Variants in NBR1 observed in about 807,000 individuals in gnomAD.
The protein encoded by NBR1 is NBR1 autophagy cargo receptor.
NBR1 carries 59 observed loss-of-function variants against 115.5 expected under a neutral mutation model. The observed-to-expected ratio is 0.51, with a 90% CI of 0.41 to 0.63. The LOEUF (loss-of-function observed/expected upper bound fraction) is 0.63. NBR1 is among the 30% of genes least tolerant of loss of function. The probability of loss-of-function intolerance (pLI) is 0.00; values close to 1 mark genes in which losing one functional copy is unlikely to be tolerated. For synonymous variants in NBR1, 373 were observed against 414.7 expected, an observed-to-expected ratio of 0.90 and a Z score of 1.22; for missense variants, 1,043 against 1,150.5, an observed-to-expected ratio of 0.91 and a Z score of 1.35.
At chr17:43,207,144 A>G (rs543429147) in intron 20 of NBR1, among the ~76,000 whole-genome samples, 2 of 152,194 alleles carry the variant, frequency 1.3e-5, no homozygotes, top group Non-Finnish European at 2.9e-5. Flanking sequence ...GAAGAGAACT[A>G]GGTCAGTTTT....
intron 5 of NBR1, 27 bp downstream of exon 5, chr17:43,180,844 A>C: frequency 7.2e-7 from 1 of 1,389,960 alleles, no homozygotes; most frequent in Non-Finnish European, 9.4e-7. Context: ...CTCATTTTTA[A>C]ATAATTTAAA....
chr17:43,206,111 T>C (rs1359296288), intron 20 of NBR1, among the ~76,000 whole-genome samples: 1 of 146,226 alleles, frequency 6.8e-6, no homozygotes, highest in Non-Finnish European at 1.5e-5. Flanking sequence ...GGGAGGCGGA[T>C]GTTGCAGTGA....
chr17:43,193,844 T>C (rs977354944), intron 12 of NBR1, among the ~76,000 whole-genome samples: 23 of 152,218 alleles, frequency 1.5e-4, no homozygotes, highest in African/African-American at 5.1e-4. Context: ...TCTTGCTGCA[T>C]ACTGAATACT....
chr17:43,199,004 G>A (rs745477570), intron 16 of NBR1, among the ~76,000 whole-genome samples: 3 of 151,784 alleles, frequency 2.0e-5, no homozygotes, highest in African/African-American at 2.4e-5. Context: ...TTTTCCACAT[G>A]TGTGTACAAA....
At chr17:43,207,693 A>G (rs1291167204) in intron 20 of NBR1, among the ~76,000 whole-genome samples, 1 of 152,218 alleles carries the variant, frequency 6.6e-6, no homozygotes, top group Non-Finnish European at 1.5e-5. Flanking sequence ...ATTACTTACA[A>G]TACCCAATAC....
intron 1 of NBR1, among the ~76,000 whole-genome samples, chr17:43,172,889 G>A (rs1597957133): frequency 6.6e-6 from 1 of 152,068 alleles, no homozygotes; most frequent in South Asian, 2.1e-4. Context: ...GCATTGGCGC[G>A]ATCTTGGCTC....
chr17:43,173,382 G>A (rs2056426342), intron 1 of NBR1, among the ~76,000 whole-genome samples: 1 of 152,084 alleles, frequency 6.6e-6, no homozygotes, highest in Non-Finnish European at 1.5e-5. Context: ...TTGCCTCCCA[G>A]GTTCAAGCAA....
chr17:43,202,267 A>G (rs918325822), intron 18 of NBR1, among the ~76,000 whole-genome samples: 1 of 151,302 alleles, frequency 6.6e-6, no homozygotes, highest in Non-Finnish European at 1.5e-5. Context: ...ATATATTGTT[A>G]GACCTCATAG....
At chr17:43,196,661 C>A in intron 15 of NBR1, 70 bp downstream of exon 15, 1 of 1,145,022 alleles carries the variant, frequency 8.7e-7, no homozygotes, top group Non-Finnish European at 1.3e-6. Context: ...TTACAGCTAT[C>A]CCCTACTGAC....
chr17:43,189,111 C>T lies in NBR1; in HGVS notation c.472C>T (p.Leu158=). Residue 158 remains leucine, a synonymous_variant, in exon 7 of 21, where the codon CTG becomes TTG. Transcript: ENST00000590996. ...GCCCCCAGACTGGTTCACAAGCTAC[C>T]TGGAGACGGTGAGTGTTCTGTCTCG... The part of the protein sequence containing the change: ...DKPPDWFTSY[L]ETFREQVVNE... The T allele has an allele frequency of 1.2e-6, 2 of 1,608,494 alleles. No individual in the cohort carries two copies. The highest frequency in any genetic ancestry group is 1.7e-6 in the Non-Finnish European group (2 of 1,174,900).
Position 43,210,141 on chromosome 17 carries a change from G to A in NBR1, c.*67G>A, listed in dbSNP as rs1017525181. ...GATCTTTATTCTGTCATTGGGGTAT[G>A]GGATAGAAGCCCTTGCTTATTTTTA... On this transcript the variant is annotated 3_prime_UTR_variant, in exon 21 of 21. Coordinates refer to ENST00000590996, the MANE Select transcript of NBR1 (RefSeq NM_005899.5). 9.6e-6 allele frequency: 14 copies of A among 1,458,224 alleles called. No individual in the cohort carries two copies. In the African/African-American group the frequency reaches 1.8e-4, roughly 19 times the overall value. 90.3% of individuals were successfully genotyped at this position (1,458,224 alleles called of 1,614,324 possible).
intron 20 of NBR1, chr17:43,209,512 T>A: frequency 2.1e-6 from 3 of 1,429,706 alleles, no homozygotes; most frequent in Non-Finnish European, 2.9e-6. Flanking sequence ...CACTTTTATC[T>A]TGCTCATACT....
At chr17:43,172,136 A>G (rs1004299330) in intron 1 of NBR1, among the ~76,000 whole-genome samples, 1 of 152,198 alleles carries the variant, frequency 6.6e-6, no homozygotes, top group African/African-American at 2.4e-5. Context: ...CAATAATGCC[A>G]GTTATGAAAG....
chr17:43,182,178 A>G (rs1220254390), intron 5 of NBR1, among the ~76,000 whole-genome samples: 1 of 126,574 alleles, frequency 7.9e-6, no homozygotes, highest in East Asian at 2.3e-4. Context: ...ACTGGTTCAC[A>G]TTTTTCACCT....
chr17:43,190,611 T>C lies in NBR1; in HGVS notation c.698T>C (p.Leu233Pro). Reference sequence around the variant, plus strand: ...ATTGTGCCATTCTTTCCCCACAGCCTATGCCCATCCTACAATATCTGTGAA... The same window carrying C: ...ATTGTGCCATTCTTTCCCCACAGCCCATGCCCATCCTACAATATCTGTGAA... ...RIVGVRYQCS[L>P]CPSYNICEDC... Residue 233 changes from leucine to proline, a missense_variant and splice_region_variant, in exon 9 of 21, where the codon CTA (leucine) becomes CCA (proline). Transcript: ENST00000590996. 6.3e-7 allele frequency: 1 copy of C among 1,577,028 alleles called. No homozygotes were observed. The highest frequency in any genetic ancestry group is 8.6e-7 in the Non-Finnish European group (1 of 1,161,022).
At chr17:43,186,188 A>C in intron 5 of NBR1, 62 bp from the exon 6 acceptor site, 1 of 1,407,014 alleles carries the variant, frequency 7.1e-7, no homozygotes. Flanking sequence ...GATGTCTTTG[A>C]AATGTTATTT....
In NBR1 at chr17:43,194,999, T is replaced by C. The variant is rs902566887; in HGVS notation, c.1710T>C (p.Ile570=). ...LLSFELLDIN[I]VQELERVPHN... ...CCTTTGAGCTGTTGGATATAAACAT[T>C]GTTCAAGAGTTGGAGAGAGTGCCCC... The change falls in exon 14 of 21, where the codon ATT becomes ATC. Residue 570 remains isoleucine, a synonymous_variant. Transcript: ENST00000590996. The C allele has an allele frequency of 3.1e-6, 5 of 1,613,698 alleles. No homozygotes were observed. The highest frequency in any genetic ancestry group is 4.2e-6 in the Non-Finnish European group (5 of 1,179,842).
chr17:43,199,576 C>T (rs550288380), intron 16 of NBR1, among the ~76,000 whole-genome samples: 366 of 152,064 alleles, frequency 2.4e-3, no homozygotes, highest in African/African-American at 8.5e-3. Context: ...GGGGTTTCAC[C>T]GTGTTAGCCA....
rs2056883923 is a variant in NBR1, at chr17:43,189,051, C to G, written c.412C>G (p.Leu138Val). The change falls in exon 7 of 21, where the codon CTT (leucine) becomes GTT (valine). Residue 138 changes from leucine to valine, a missense_variant. Leu to Val is a conservative substitution (Grantham distance 32, BLOSUM62 1). Transcript: ENST00000590996. ...TTGTGTTTTCTCCCAGTCGTTTCCA[C>G]TTGTTCCATGTGACACAGACCAGCC... The part of the protein sequence containing the change: ...PEDPAVQSFP[L>V]VPCDTDQPQD... The G allele has an allele frequency of 6.2e-7, 1 of 1,611,330 alleles. No homozygotes were observed.
Sources: gnomAD v4.1 joint callset for allele counts (sites outside exome capture counted in the v4.1 genomes callset) on GRCh38, gnomAD v4.1.1 for gene constraint, MANE v1.5 for transcripts, NCBI Gene and HGNC (gene_info 2026-07-23, HGNC 2026-07-21) for gene names.